The following NEK1 variants were observed in gnomAD, a reference collection of about 807,000 sequenced individuals.
The protein encoded by NEK1 is serine/threonine-protein kinase Nek1.
A neutral mutation model predicts 182.1 loss-of-function variants in NEK1; 137 were observed. The ratio of observed to expected loss-of-function variants is 0.75; its 90% CI spans 0.65 to 0.87. The LOEUF (loss-of-function observed/expected upper bound fraction) is 0.87. Among genes scored for constraint, NEK1 ranks in the 40% least tolerant of loss-of-function variants. The probability of loss-of-function intolerance (pLI) is 0.00; values close to 1 mark genes in which losing one functional copy is unlikely to be tolerated. For synonymous variants in NEK1, 513 were observed against 492.2 expected, an observed-to-expected ratio of 1.04 and a Z score of -0.56; for missense variants, 1,391 against 1,494.4, an observed-to-expected ratio of 0.93 and a Z score of 1.14.
chr4:169,573,059 C>G (rs1765124228), intron 12 of NEK1, among the ~76,000 whole-genome samples: 1 of 152,118 alleles, frequency 6.6e-6, no homozygotes, highest in South Asian at 2.1e-4. Context: ...ATGAATGATT[C>G]AGTAGAGAGA....
intron 12 of NEK1, among the ~76,000 whole-genome samples, chr4:169,566,979 C>T (rs750314376): frequency 1.3e-5 from 2 of 151,894 alleles, no homozygotes; most frequent in Non-Finnish European, 2.9e-5. Flanking sequence ...CATGTAGTCC[C>T]AGCTACTTGG....
At chr4:169,498,133 T>G (rs1274274369) in intron 23 of NEK1, among the ~76,000 whole-genome samples, 1 of 152,248 alleles carries the variant, frequency 6.6e-6, no homozygotes, top group East Asian at 1.9e-4. Flanking sequence ...GCTCTTCTTG[T>G]TGAATTGATC....
rs1431024053 is a variant in NEK1 at position 169,438,055 on chromosome 4, T to C, written c.2764+28A>G. The C allele has an allele frequency of 3.2e-6, 5 of 1,549,606 alleles. No homozygotes were observed. In the East Asian group the frequency reaches 9.0e-5, roughly 28 times the overall value. On this transcript the variant is annotated intron_variant, in intron 28 of 35. Coordinates refer to ENST00000507142, the MANE Select transcript of NEK1 (RefSeq NM_001199397.3). ...ATTTAAGTTTTTACTAAATCAAATA[T>C]AGCTCATTTTGACTCATTAGAACAT...
rs552030748 is a variant in NEK1 at position 169,543,783 on chromosome 4, T to G, written c.1563-5872A>C. Among the ~76,000 whole-genome samples, 141 of 152,316 alleles carry G rather than the reference T, an allele frequency of 9.3e-4. 1 individual carries two copies. Among genetic ancestry groups the G allele is most frequent in the African/African-American group, 3.3e-3 (138 of 41,586 alleles). On this transcript the variant is annotated intron_variant, in intron 18 of 35. Transcript: ENST00000507142. ...GGAGTTGACTCATAATTTGGCTGTT[T>G]GTCTGTTATTGCTGTATAGGGATGC...
At chr4:169,423,952 T>A in intron 31 of NEK1, among the ~76,000 whole-genome samples, 1 of 152,172 alleles carries the variant, frequency 6.6e-6, no homozygotes, top group Admixed American at 6.5e-5. Context: ...GAAAAGGTTA[T>A]AAAGAGTATA....
chr4:169,412,160 A>T (rs943526516), intron 31 of NEK1, among the ~76,000 whole-genome samples: 3 of 152,234 alleles, frequency 2.0e-5, no homozygotes, highest in Non-Finnish European at 4.4e-5. Flanking sequence ...TGTTGACTAA[A>T]TGAATCTGCC....
At chr4:169,410,084 T>C (rs1733402933) in intron 31 of NEK1, among the ~76,000 whole-genome samples, 1 of 152,230 alleles carries the variant, frequency 6.6e-6, no homozygotes, top group Non-Finnish European at 1.5e-5. Flanking sequence ...CTGATTCTAC[T>C]ATTTCTATGT....
intron 23 of NEK1, among the ~76,000 whole-genome samples, chr4:169,498,266 C>A (rs1183528385): frequency 6.6e-6 from 1 of 152,148 alleles, no homozygotes; most frequent in Non-Finnish European, 1.5e-5. Context: ...GGTAGCTCTT[C>A]CTCCATCCCT....
intron 19 of NEK1, among the ~76,000 whole-genome samples, chr4:169,511,543 T>C (rs1489716381): frequency 5.9e-5 from 9 of 152,128 alleles, no homozygotes; most frequent in Non-Finnish European, 8.8e-5. Context: ...GTGAAAAGAA[T>C]ATACAGGGAG....
At chr4:169,442,361 G>C (rs902750002) in intron 27 of NEK1, among the ~76,000 whole-genome samples, 22 of 152,022 alleles carry the variant, frequency 1.4e-4, no homozygotes, top group Non-Finnish European at 7.4e-5. Context: ...GAAATCATAT[G>C]AAGACTGCAC....
chr4:169,500,056 A>G (rs1752135841), intron 23 of NEK1, among the ~76,000 whole-genome samples: 2 of 152,074 alleles, frequency 1.3e-5, no homozygotes, highest in East Asian at 1.9e-4. Flanking sequence ...ACCCAGTTTG[A>G]GCTTCCCGGC....
intron 12 of NEK1, among the ~76,000 whole-genome samples, chr4:169,562,556 A>T (rs1339975231): frequency 1.3e-5 from 2 of 152,152 alleles, no homozygotes; most frequent in Admixed American, 6.5e-5. Flanking sequence ...TTCAGTATAT[A>T]AAATTCAAAC....
intron 21 of NEK1, 73 bp downstream of exon 21, chr4:169,508,175 T>TG: frequency 7.7e-7 from 1 of 1,306,288 alleles, no homozygotes; most frequent in African/African-American, 1.5e-5. Flanking sequence ...TTGTTGTTAA[T>TG]GGCACAGCAT....
chr4:169,477,724 AT>A (rs1245457923), intron 24 of NEK1, among the ~76,000 whole-genome samples: 3 of 151,970 alleles, frequency 2.0e-5, no homozygotes, highest in Non-Finnish European at 2.9e-5. Flanking sequence ...TATTTGTCAT[AT>A]TTTTAGATTA....
At chr4:169,417,184 A>AG (rs1299469456) in intron 31 of NEK1, among the ~76,000 whole-genome samples, 1 of 152,216 alleles carries the variant, frequency 6.6e-6, no homozygotes, top group Non-Finnish European at 1.5e-5. Context: ...ATTTCAGGCC[A>AG]GGGTAACAGC....
At chr4:169,507,820 C>T in intron 21 of NEK1, 28 bp from the exon 22 acceptor site, 1 of 1,514,622 alleles carries the variant, frequency 6.6e-7, no homozygotes, top group Non-Finnish European at 9.2e-7. Context: ...AAGCAAATCA[C>T]TTAGGATAGA....
In NEK1 at chr4:169,487,680, G is replaced by A. The variant is rs917377787; in HGVS notation, c.2008-8146C>T. Reference sequence around the variant, plus strand: ...TTATATATTTTGGGGTATATACCCAGTAATGGGATTGCTGGGTCAAATGGT... The same window carrying A: ...TTATATATTTTGGGGTATATACCCAATAATGGGATTGCTGGGTCAAATGGT... On this transcript the variant is annotated intron_variant, in intron 23 of 35. Transcript: ENST00000507142. 2.0e-5 allele frequency among the ~76,000 whole-genome samples: 3 copies of A among 152,306 alleles called. No individual in the cohort carries two copies. The East Asian group carries it at 5.8e-4, about 29-fold the overall frequency.
At chr4:169,609,017 C>T (rs1409425096) in intron 2 of NEK1, among the ~76,000 whole-genome samples, 1 of 144,230 alleles carries the variant, frequency 6.9e-6, no homozygotes, top group Non-Finnish European at 1.5e-5. Flanking sequence ...GCTGAGATCA[C>T]ACCACTCCAC....
At chr4:169,433,298 G>A (rs574717455) in intron 29 of NEK1, among the ~76,000 whole-genome samples, 1 of 152,296 alleles carries the variant, frequency 6.6e-6, no homozygotes, top group African/African-American at 2.4e-5. Flanking sequence ...GCCCTCAAGT[G>A]ATCTGCCCGC....
Sources: gnomAD v4.1 joint callset for allele counts (sites outside exome capture counted in the v4.1 genomes callset) on GRCh38, gnomAD v4.1.1 for gene constraint, MANE v1.5 for transcripts, NCBI Gene and HGNC (gene_info 2026-07-23, HGNC 2026-07-21) for gene names.